The following NAV3 variants were observed in gnomAD, a reference collection of about 807,000 sequenced individuals.
NAV3 encodes neuron navigator 3, also known as pore membrane and/or filament interacting like protein 1.
Under a neutral mutation model 244.7 loss-of-function variants are expected in NAV3, and 87 were observed. That is an observed-to-expected ratio of 0.36 (90% CI 0.30 to 0.42). The LOEUF is 0.42. NAV3 is among the 20% of genes least tolerant of loss of function. The pLI is 1.00. For synonymous variants in NAV3, 1,126 were observed against 1,042.2 expected, an observed-to-expected ratio of 1.08 and a Z score of -1.55; for missense variants, 2,663 against 2,893.3, an observed-to-expected ratio of 0.92 and a Z score of 1.83.
At chr12:77,640,407 C>T (rs1183601631) in intron 2 of NAV3, among the ~76,000 whole-genome samples, 3 of 152,118 alleles carry the variant, frequency 2.0e-5, no homozygotes, top group Admixed American at 1.3e-4. Context: ...GATATCTTTT[C>T]ACCTACTTCT....
intron 20 of NAV3, among the ~76,000 whole-genome samples, chr12:78,145,494 T>G (rs1173185187): frequency 6.6e-6 from 1 of 152,234 alleles, no homozygotes; most frequent in East Asian, 1.9e-4. Context: ...GATCTGCTTA[T>G]GGCAATAAGC....
intron 1 of NAV3, among the ~76,000 whole-genome samples, chr12:77,890,377 A>G (rs1303481405): frequency 4.6e-5 from 7 of 151,978 alleles, no homozygotes; most frequent in Admixed American, 4.6e-4. Flanking sequence ...CTGCCTCCCA[A>G]AGTGCTGGGA....
rs1159633489 is a variant in NAV3, at chr12:78,189,892, G to A, written c.6056-92G>A. 6.6e-6 allele frequency: 6 copies of A among 913,766 alleles called. No individual in the cohort carries two copies. In the Admixed American group the frequency reaches 1.1e-4, roughly 17 times the overall value. 56.6% of individuals were successfully genotyped at this position (913,766 alleles called of 1,614,324 possible). ...TATTTTTCAAGGACTCTATTCCTAT[G>A]ACTAACAATGCTGTTGCTGTTTAGC... On this transcript the variant is annotated intron_variant, in intron 33 of 39. Coordinates refer to ENST00000397909, the MANE Select transcript of NAV3 (RefSeq NM_001024383.2).
At chr12:78,025,224 G>A (rs779939709) in intron 9 of NAV3, among the ~76,000 whole-genome samples, 6 of 152,034 alleles carry the variant, frequency 3.9e-5, no homozygotes, top group Non-Finnish European at 7.4e-5. Flanking sequence ...GCAGCTATTT[G>A]TCCTCTTCTA....
intron 2 of NAV3, among the ~76,000 whole-genome samples, chr12:77,707,681 G>T (rs1875893116): frequency 2.0e-5 from 3 of 152,198 alleles, no homozygotes; most frequent in African/African-American, 7.2e-5. Context: ...CCCACCAACA[G>T]TGTAAAAGTG....
intron 1 of NAV3, among the ~76,000 whole-genome samples, chr12:77,903,600 T>G (rs1009488339): frequency 8.5e-5 from 13 of 152,142 alleles, no homozygotes; most frequent in African/African-American, 2.2e-4. Flanking sequence ...ACTTCATGTC[T>G]AAAACACCAA....
intron 12 of NAV3, among the ~76,000 whole-genome samples, chr12:78,097,784 T>G (rs2138150296): frequency 6.6e-6 from 1 of 152,312 alleles, no homozygotes; most frequent in Admixed American, 6.5e-5. Flanking sequence ...CACAGTTAGC[T>G]CTGTAACTAA....
Position 77,964,859 on chromosome 12 carries a change from A to G in NAV3, c.415-1370A>G, listed in dbSNP as rs531799114. Reference sequence around the variant, plus strand: ...TGGCTGTGGTCATTTTTAAGCAAACAGCATATCATTGTATATTATCAATTT... The same window carrying G: ...TGGCTGTGGTCATTTTTAAGCAAACGGCATATCATTGTATATTATCAATTT... On this transcript the variant is annotated intron_variant, in intron 3 of 39. Transcript: ENST00000397909. Among the ~76,000 whole-genome samples the G allele has an allele frequency of 3.3e-5, 5 of 152,264 alleles. No individual in the cohort carries two copies. The South Asian group carries it at 1.0e-3, about 32-fold the overall frequency.
At chr12:77,700,419 T>G (rs1179744720) in intron 2 of NAV3, among the ~76,000 whole-genome samples, 2 of 152,168 alleles carry the variant, frequency 1.3e-5, no homozygotes, top group Non-Finnish European at 2.9e-5. Flanking sequence ...AAGTTGTGTA[T>G]GTGTTTCACC....
At chr12:78,104,192 A>C (rs1000018862) in intron 12 of NAV3, among the ~76,000 whole-genome samples, 1 of 152,174 alleles carries the variant, frequency 6.6e-6, no homozygotes, top group Non-Finnish European at 1.5e-5. Flanking sequence ...GTTTATGTAA[A>C]CAAAATATCT....
chr12:77,928,222 C>CAAAAA (rs759919821), intron 1 of NAV3, among the ~76,000 whole-genome samples: 4 of 80,492 alleles, frequency 5.0e-5, no homozygotes, highest in Admixed American at 1.5e-4. Context: ...GGCTCCGCCT[C>CAAAAA]AAAAAAAAAA....
At chr12:77,907,614 G>C (rs891746626) in intron 1 of NAV3, among the ~76,000 whole-genome samples, 2 of 152,070 alleles carry the variant, frequency 1.3e-5, no homozygotes, top group Non-Finnish European at 2.9e-5. Context: ...AAGTAGCAAT[G>C]TGTTTGTGGA....
chr12:78,144,310 A>C (rs1956759464), intron 20 of NAV3, among the ~76,000 whole-genome samples: 1 of 152,196 alleles, frequency 6.6e-6, no homozygotes, highest in African/African-American at 2.4e-5. Context: ...GGCTTATAGA[A>C]TAAATAAAAA....
intron 8 of NAV3, among the ~76,000 whole-genome samples, chr12:78,013,271 A>G: frequency 6.6e-6 from 1 of 152,148 alleles, no homozygotes; most frequent in East Asian, 1.9e-4. Context: ...AATGTGGTAG[A>G]CAAGGGGCAA....
intron 8 of NAV3, among the ~76,000 whole-genome samples, chr12:78,016,229 C>T (rs1300212114): frequency 1.3e-5 from 2 of 151,764 alleles, no homozygotes; most frequent in African/African-American, 2.4e-5. Context: ...TGGACAAAAC[C>T]AAGAAATTTA....
At chr12:78,078,373 CTCTTTTTTTTTTTT>C (rs1953164040) in intron 12 of NAV3, among the ~76,000 whole-genome samples, 1 of 125,352 alleles carries the variant, frequency 8.0e-6, no homozygotes, top group African/African-American at 3.0e-5. Context: ...ACTCTTTCCA[CTCTTTTTTTTTTTT>C]TTTTTTTTTT....
intron 5 of NAV3, among the ~76,000 whole-genome samples, chr12:77,979,765 G>A (rs183051771): frequency 1.8e-4 from 26 of 147,424 alleles, no homozygotes; most frequent in African/African-American, 2.8e-4. Context: ...CTAGAACAAC[G>A]CTCACCCATC....
chr12:78,015,741 C>T (rs571754342), intron 8 of NAV3, among the ~76,000 whole-genome samples: 2 of 151,962 alleles, frequency 1.3e-5, no homozygotes, highest in Non-Finnish European at 2.9e-5. Flanking sequence ...TCTACTTTGA[C>T]CCACAAGTTT....
At chr12:77,971,738 T>C (rs1893014788) in intron 5 of NAV3, among the ~76,000 whole-genome samples, 1 of 152,104 alleles carries the variant, frequency 6.6e-6, no homozygotes, top group African/African-American at 2.4e-5. Flanking sequence ...TCCAAGTAAA[T>C]AGTTTAAATC....
Sources: gnomAD v4.1 joint callset for allele counts (sites outside exome capture counted in the v4.1 genomes callset) on GRCh38, gnomAD v4.1.1 for gene constraint, MANE v1.5 for transcripts, NCBI Gene and HGNC (gene_info 2026-07-23, HGNC 2026-07-21) for gene names.